The following FBF1 variants were observed in gnomAD, a reference collection of about 807,000 sequenced individuals.
FBF1 encodes the protein fas-binding factor 1.
In FBF1, 119 loss-of-function variants were observed where a neutral mutation model predicts 147.2. The observed-to-expected ratio is 0.81, with a 90% CI of 0.70 to 0.94. FBF1 has a LOEUF of 0.94. Ranked by LOEUF, FBF1 falls within the 40% of genes least tolerant of loss-of-function variation. The pLI is 0.00. For missense variants in FBF1, 1,449 were observed against 1,500.8 expected (o/e 0.97, Z 0.57); for synonymous variants, 601 against 609.0 (o/e 0.99, Z 0.19).
intron 6 of FBF1, among the ~76,000 whole-genome samples, chr17:75,930,899 C>T (rs532260670): frequency 5.3e-5 from 8 of 152,068 alleles, no homozygotes; most frequent in Non-Finnish European, 1.0e-4. Context: ...CCAGCCTGGG[C>T]GACAGAGGGA....
chr17:75,912,833 GA>G (rs1443320520), intron 28 of FBF1, among the ~76,000 whole-genome samples: 4 of 152,182 alleles, frequency 2.6e-5, no homozygotes, highest in Non-Finnish European at 5.9e-5. Flanking sequence ...CTGAGGTCAG[GA>G]GTTCAAGACC....
At position 75,910,684 on chromosome 17, in the gene FBF1, G is replaced by T. The variant is rs745923568; in HGVS notation, c.*39C>A. The T allele has an allele frequency of 6.4e-7, 1 of 1,564,898 alleles. No individual in the cohort carries two copies. Among genetic ancestry groups the T allele is most frequent in the East Asian group, 2.3e-5 (1 of 43,370 alleles). On this transcript the variant is annotated 3_prime_UTR_variant, in exon 30 of 30. Coordinates refer to ENST00000636174, the MANE Select transcript of FBF1 (RefSeq NM_001319193.2). This position sits in a 1 kb window ranked among gnomAD's most constrained non-coding sequence, Gnocchi z 4.1. ...AGCCGGAGGAACAGGACAGTTCTGG[G>T]GTCCGAACCCTCTGTTGGGGAATCG... is the stretch of plus-strand genomic sequence containing the variant.
intron 29 of FBF1, among the ~76,000 whole-genome samples, chr17:75,911,888 G>GT (rs1305814664): frequency 1.3e-5 from 2 of 152,190 alleles, no homozygotes; most frequent in African/African-American, 4.8e-5. Context: ...CTGGGCTCAA[G>GT]TGATCCTCCT....
At position 75,918,737 on chromosome 17, in the gene FBF1, C is replaced by T. The variant is rs1267404933; in HGVS notation, c.2139-468G>A. Reference sequence around the variant, plus strand: ...GAACTTCTGAGCTCAGGCAATCTACCCACCTTGGCCTCCCAAAGCACTGGG... The same window carrying T: ...GAACTTCTGAGCTCAGGCAATCTACTCACCTTGGCCTCCCAAAGCACTGGG... On this transcript the variant is annotated intron_variant, in intron 20 of 29. Coordinates refer to ENST00000636174, the MANE Select transcript of FBF1 (RefSeq NM_001319193.2). This position sits in a 1 kb window ranked among gnomAD's most constrained non-coding sequence, Gnocchi z 5.8. 1.3e-5 allele frequency among the ~76,000 whole-genome samples: 2 copies of T among 152,066 alleles called. No individual in the cohort carries two copies.
Position 75,925,523 on chromosome 17 carries a change from A to C in FBF1, c.869-77T>G. 1.6e-6 allele frequency: 2 copies of C among 1,276,242 alleles called. No homozygotes were observed. The highest frequency in any genetic ancestry group is 2.2e-6 in the Non-Finnish European group (2 of 905,762). 79.1% of individuals were successfully genotyped at this position (1,276,242 alleles called of 1,614,324 possible). A position where few individuals can be genotyped will look rare whatever the true frequency, so the allele number is the denominator to read the frequency against. On this transcript the variant is annotated intron_variant, in intron 12 of 29. Transcript: ENST00000636174. The surrounding 1 kb of genome is among the most constrained non-coding windows in gnomAD (Gnocchi z 5.0). ...ATTTGCGGCTGCAAAATTCTAACAA[A>C]AGCTGAATTTGGTAGCTTGTTGTGT...
At position 75,914,923 on chromosome 17, in the gene FBF1, G is replaced by A; in HGVS notation, c.2638C>T (p.Leu880=). ...AELERAKSAL[L]EEQKSVMLKC... is the part of the protein sequence containing the mutation. ...AGCATGACAGACTTCTGCTCCTCCAGCAAGGCGCTCTGGGATGTGGGGGTG... is the reference window on the plus strand; with the variant it reads ...AGCATGACAGACTTCTGCTCCTCCAACAAGGCGCTCTGGGATGTGGGGGTG... Residue 880 remains leucine, a synonymous_variant, in exon 25 of 30, where the codon CTG becomes TTG. Coordinates refer to ENST00000636174, the MANE Select transcript of FBF1 (RefSeq NM_001319193.2). 6.2e-7 allele frequency: 1 copy of A among 1,611,594 alleles called. No individual in the cohort carries two copies. The highest frequency in any genetic ancestry group is 8.5e-7 in the Non-Finnish European group (1 of 1,178,892).
chr17:75,932,001 A>G (rs1411760862), intron 5 of FBF1, among the ~76,000 whole-genome samples: 3 of 152,220 alleles, frequency 2.0e-5, no homozygotes, highest in African/African-American at 7.2e-5. Flanking sequence ...GCCCAAGGTC[A>G]TATCATAAGT....
rs113182488 is a variant in FBF1 at position 75,936,269 on chromosome 17, G to A, written c.32-596C>T. Among the ~76,000 whole-genome samples, 1,504 of 151,970 alleles carry A rather than the reference G, an allele frequency of 9.9e-3. 15 individuals are homozygous for A. The highest frequency in any genetic ancestry group is 0.034 in the African/African-American group (1,409 of 41,418). On this transcript the variant is annotated intron_variant, in intron 3 of 29. Coordinates refer to ENST00000636174, the MANE Select transcript of FBF1 (RefSeq NM_001319193.2). Reference sequence around the variant, plus strand: ...GCAGAGTTTGTAGTGAGCCGAGATCGCACCACTGCACTCCAGCCTGGGCGA... The same window carrying A: ...GCAGAGTTTGTAGTGAGCCGAGATCACACCACTGCACTCCAGCCTGGGCGA...
At position 75,922,068 on chromosome 17, in the gene FBF1, G is replaced by T. The variant is rs575947569; in HGVS notation, c.1425-22C>A. 6.9e-5 allele frequency: 107 copies of T among 1,548,912 alleles called. 1 individual carries two copies. Among genetic ancestry groups the T allele is most frequent in the South Asian group, 4.4e-4 (37 of 83,988 alleles). ...TTGGCTGAGGAAAGGCAGCGTTCAA[G>T]GTGAAGGTGACAGAAGGCCCAGGTC... On this transcript the variant is annotated intron_variant, in intron 14 of 29. Coordinates refer to ENST00000636174, the MANE Select transcript of FBF1 (RefSeq NM_001319193.2). This position sits in a 1 kb window ranked among gnomAD's most constrained non-coding sequence, Gnocchi z 5.0.
Position 75,910,871 on chromosome 17 carries a change from G to T in FBF1, c.3364-65C>A. 7.1e-7 allele frequency: 1 copy of T among 1,405,990 alleles called. No homozygotes were observed. The allele number at this position is 1,405,990 out of a possible 1,614,324, so 87.1% of individuals were successfully genotyped here. A position where few individuals can be genotyped will look rare whatever the true frequency, so the allele number is the denominator to read the frequency against. On this transcript the variant is annotated intron_variant, in intron 29 of 29. Transcript: ENST00000636174. The surrounding 1 kb of genome is among the most constrained non-coding windows in gnomAD (Gnocchi z 4.1). Reference sequence around the variant, plus strand: ...CTGAGAGGGAGGTGGAGCCCTGGATGCTAGCTGAGCCAGCCGTCACTGAGG... The same window carrying T: ...CTGAGAGGGAGGTGGAGCCCTGGATTCTAGCTGAGCCAGCCGTCACTGAGG...
At chr17:75,935,170 T>G (rs1159578675) in intron 4 of FBF1, among the ~76,000 whole-genome samples, 1 of 151,786 alleles carries the variant, frequency 6.6e-6, no homozygotes, top group Non-Finnish European at 1.5e-5. Flanking sequence ...CATCTCATTT[T>G]TTTTTTTTTT....
chr17:75,913,383 G>T (rs1418797913), intron 28 of FBF1: 7 of 226,832 alleles, frequency 3.1e-5, no homozygotes, highest in Admixed American at 5.5e-5. Flanking sequence ...CCTGACCTCA[G>T]ATGATCCGCC....
Position 75,910,450 on chromosome 17 carries a change from C to T in FBF1, c.*273G>A. On this transcript the variant is annotated 3_prime_UTR_variant, in exon 30 of 30. Transcript: ENST00000636174. This position sits in a 1 kb window ranked among gnomAD's most constrained non-coding sequence, Gnocchi z 4.1. ...CAGTGAGAGCTGGGGGTCCTTGCTG[C>T]CAACTCAGACCCTCAGATCCAAGCC... is the stretch of plus-strand genomic sequence containing the variant. 1 of 447,972 alleles carries T rather than the reference C, an allele frequency of 2.2e-6. No individual in the cohort carries two copies. Among genetic ancestry groups the T allele is most frequent in the Non-Finnish European group, 4.0e-6 (1 of 247,804 alleles). 27.7% of individuals were successfully genotyped at this position (447,972 alleles called of 1,614,324 possible).
chr17:75,910,540 C>T lies in FBF1; in HGVS notation c.*183G>A. 1.7e-6 allele frequency: 1 copy of T among 595,464 alleles called. No homozygotes were observed. The highest frequency in any genetic ancestry group is 3.0e-6 in the Non-Finnish European group (1 of 336,618). 36.9% of individuals were successfully genotyped at this position (595,464 alleles called of 1,614,324 possible). A position where few individuals can be genotyped will look rare whatever the true frequency, so the allele number is the denominator to read the frequency against. Reference sequence around the variant, plus strand: ...AGCCTACACCACAGAGCCCCAGAGGCAGGGGCTGCCCCGGGCTGGCACATT... The same window carrying T: ...AGCCTACACCACAGAGCCCCAGAGGTAGGGGCTGCCCCGGGCTGGCACATT... On this transcript the variant is annotated 3_prime_UTR_variant, in exon 30 of 30. Coordinates refer to ENST00000636174, the MANE Select transcript of FBF1 (RefSeq NM_001319193.2). This position sits in a 1 kb window ranked among gnomAD's most constrained non-coding sequence, Gnocchi z 4.1.
intron 1 of FBF1, among the ~76,000 whole-genome samples, chr17:75,940,366 T>C (rs2065655493): frequency 6.6e-6 from 1 of 150,836 alleles, no homozygotes; most frequent in Non-Finnish European, 1.5e-5. Context: ...GATCCTCCAA[T>C]GTCAGCCTCC....
At chr17:75,940,428 T>A (rs2065656040) in intron 1 of FBF1, among the ~76,000 whole-genome samples, 3 of 151,944 alleles carry the variant, frequency 2.0e-5, no homozygotes, top group Non-Finnish European at 4.4e-5. Context: ...AATTTTAAAA[T>A]TTTTTTTGTA....
rs191330562 is a variant in FBF1 at position 75,918,782 on chromosome 17, A to G, written c.2139-513T>C. Among the ~76,000 whole-genome samples the G allele has an allele frequency of 2.4e-4, 34 of 143,596 alleles. No individual in the cohort carries two copies. Among genetic ancestry groups the G allele is most frequent in the African/African-American group, 8.1e-4 (31 of 38,400 alleles). 94.2% of individuals were successfully genotyped at this position (143,596 alleles called of 152,430 possible). A position where few individuals can be genotyped will look rare whatever the true frequency, so the allele number is the denominator to read the frequency against. ...ACTGGGATTACAGGTGTGAGCCACCACGCCCGGCCCCAAGCAGTCTTTCTT... is the reference window on the plus strand; with the variant it reads ...ACTGGGATTACAGGTGTGAGCCACCGCGCCCGGCCCCAAGCAGTCTTTCTT... On this transcript the variant is annotated intron_variant, in intron 20 of 29. Transcript: ENST00000636174. This position sits in a 1 kb window ranked among gnomAD's most constrained non-coding sequence, Gnocchi z 5.8.
intron 23 of FBF1, among the ~76,000 whole-genome samples, chr17:75,916,724 G>A (rs1268763870): frequency 2.0e-5 from 3 of 152,232 alleles, no homozygotes; most frequent in African/African-American, 7.2e-5. Context: ...TGGTAGCATC[G>A]AAAGATTCAT....
chr17:75,926,029 C>T lies in FBF1; in HGVS notation c.868+1G>A. On this transcript the variant is annotated splice_donor_variant, in intron 12 of 29. Transcript: ENST00000636174. LOFTEE classifies it high-confidence loss of function. ...GTTGCGGCCCCCGCAAGCCTCCTTACCCTGTGGCCTCTGGTACTTCTTGTC... is the reference window on the plus strand; with the variant it reads ...GTTGCGGCCCCCGCAAGCCTCCTTATCCTGTGGCCTCTGGTACTTCTTGTC... 1 of 1,609,392 alleles carries T rather than the reference C, an allele frequency of 6.2e-7. No homozygotes were observed. Among genetic ancestry groups the T allele is most frequent in the Non-Finnish European group, 8.5e-7 (1 of 1,178,492 alleles).
Sources: allele counts gnomAD v4.1 joint callset (sites outside exome capture counted in the v4.1 genomes callset), GRCh38; gene constraint gnomAD v4.1.1; non-coding constraint Gnocchi (gnomAD v3.1); transcripts MANE v1.5; gene names NCBI Gene and HGNC (gene_info 2026-07-23, HGNC 2026-07-21).